SLC12A2: variants seen among roughly 807,000 people sequenced by gnomAD.
SLC12A2 encodes solute carrier family 12 member 2.
SLC12A2 carries 67 observed loss-of-function variants against 136.3 expected under a neutral mutation model. That is an observed-to-expected ratio of 0.49 (90% CI 0.40 to 0.60). The LOEUF (loss-of-function observed/expected upper bound fraction) is 0.60. SLC12A2 is among the 20% of genes least tolerant of loss of function. SLC12A2 has a pLI of 0.00. For missense variants in SLC12A2, 1,322 were observed against 1,534.7 expected (o/e 0.86, Z 2.32); for synonymous variants, 619 against 562.9 (o/e 1.10, Z -1.41).
In SLC12A2 at chr5:128,148,092, T is replaced by C. The variant is rs1762588189; in HGVS notation, c.1881+363T>C. 2.6e-5 allele frequency among the ~76,000 whole-genome samples: 4 copies of C among 151,824 alleles called. No individual in the cohort carries two copies. In the South Asian group the frequency reaches 8.3e-4, roughly 31 times the overall value. ...TATCTTTGTTCTAGTCAGTATGATA[T>C]CAACCTAAATATTTTATTTTACAAA... On this transcript the variant is annotated intron_variant, in intron 11 of 26. Coordinates refer to ENST00000262461, the MANE Select transcript of SLC12A2 (RefSeq NM_001046.3).
At chr5:128,142,292 G>A (rs985027181) in intron 10 of SLC12A2, among the ~76,000 whole-genome samples, 1 of 152,022 alleles carries the variant, frequency 6.6e-6, no homozygotes, top group Non-Finnish European at 1.5e-5. Context: ...TAGTAAGGAT[G>A]GGGTTTTACC....
Position 128,096,861 on chromosome 5 carries a change from G to T in SLC12A2, c.756+12151G>T, listed in dbSNP as rs969332281. Among the ~76,000 whole-genome samples the T allele has an allele frequency of 1.6e-4, 24 of 152,022 alleles. 1 individual carries two copies. The highest frequency in any genetic ancestry group is 2.9e-4 in the Non-Finnish European group (20 of 67,922). On this transcript the variant is annotated intron_variant, in intron 1 of 26. Coordinates refer to ENST00000262461, the MANE Select transcript of SLC12A2 (RefSeq NM_001046.3). ...ATAATAAACGGCTTTGTGGTATCTT[G>T]CAGGAACAGAAGATAAGAAAATCAT...
intron 15 of SLC12A2, among the ~76,000 whole-genome samples, chr5:128,157,822 A>T (rs1235343042): frequency 6.6e-6 from 1 of 152,128 alleles, no homozygotes; most frequent in African/African-American, 2.4e-5. Flanking sequence ...TTGATGTATA[A>T]TAGTACCTAT....
intron 4 of SLC12A2, 105 bp downstream of exon 4, chr5:128,114,786 A>AG (rs2126673051): frequency 1.4e-6 from 1 of 700,498 alleles, no homozygotes; most frequent in East Asian, 2.8e-5. Flanking sequence ...CAACATATTA[A>AG]GTCTATATAG....
At chr5:128,111,938 C>T (rs1761163062) in intron 1 of SLC12A2, among the ~76,000 whole-genome samples, 2 of 151,910 alleles carry the variant, frequency 1.3e-5, no homozygotes, top group Admixed American at 1.3e-4. Flanking sequence ...GAAATATAGC[C>T]ACATTATGTT....
At chr5:128,154,791 C>G (rs562565874) in intron 15 of SLC12A2, among the ~76,000 whole-genome samples, 1 of 152,138 alleles carries the variant, frequency 6.6e-6, no homozygotes, top group Admixed American at 6.5e-5. Context: ...TTGCACATTA[C>G]GGCTGTAACT....
In SLC12A2 at chr5:128,131,564, C is replaced by T. The variant is rs546114302; in HGVS notation, c.1188+358C>T. Among the ~76,000 whole-genome samples, 6 of 149,976 alleles carry T rather than the reference C, an allele frequency of 4.0e-5. No homozygotes were observed. The South Asian group carries it at 1.1e-3, about 26-fold the overall frequency. The stretch of plus-strand genomic sequence containing the variant: ...AAAAAAAAAAAAAAAATCAGCTGGG[C>T]GTGGTGGCAGGCACCTGTAGTCCCA... On this transcript the variant is annotated intron_variant, in intron 5 of 26. Coordinates refer to ENST00000262461, the MANE Select transcript of SLC12A2 (RefSeq NM_001046.3).
intron 22 of SLC12A2, among the ~76,000 whole-genome samples, chr5:128,180,222 G>T (rs1284126908): frequency 6.6e-6 from 1 of 151,622 alleles, no homozygotes; most frequent in Middle Eastern, 3.2e-3. Context: ...CACCCACCTC[G>T]GCCTCCCAAA....
intron 22 of SLC12A2, among the ~76,000 whole-genome samples, chr5:128,180,256 C>T (rs1199516887): frequency 6.6e-6 from 1 of 152,004 alleles, no homozygotes; most frequent in African/African-American, 2.4e-5. Context: ...AGGTGTGAGC[C>T]ACCACGCCCA....
chr5:128,123,531 C>T (rs1239616313), intron 4 of SLC12A2, among the ~76,000 whole-genome samples: 1 of 151,984 alleles, frequency 6.6e-6, no homozygotes, highest in Non-Finnish European at 1.5e-5. Flanking sequence ...CTAGTATGTG[C>T]GTAGTGGTAT....
At chr5:128,158,805 T>C (rs1372910111) in intron 16 of SLC12A2, among the ~76,000 whole-genome samples, 1 of 152,092 alleles carries the variant, frequency 6.6e-6, no homozygotes, top group Non-Finnish European at 1.5e-5. Context: ...TGAAGTAATT[T>C]ACATTCCCAC....
In SLC12A2 at chr5:128,150,089, A is replaced by C. The variant is rs1762651010; in HGVS notation, c.2098A>C (p.Lys700Gln). The C allele has an allele frequency of 6.3e-7, 1 of 1,585,924 alleles. No individual in the cohort carries two copies. Among genetic ancestry groups the C allele is most frequent in the African/African-American group, 1.3e-5 (1 of 74,332 alleles). The change falls in exon 13 of 27, where the codon AAA becomes CAA. Residue 700 changes from lysine to glutamine, a missense_variant. Around this residue, in one of 8 missense-constraint regions of SLC12A2, gnomAD observed 294 missense variants for 436.6 expected, o/e 0.67. Transcript: ENST00000262461. ...TTCAGTATTCCATGCATCACTTGCA[A>C]AATCTCCAGGTAATTTTACATTTTT... ...NFSVFHASLA[K>Q]SPGWRPAFKY...
At position 128,187,100 on chromosome 5, in the gene SLC12A2, T is replaced by G. The variant is rs1195967833; in HGVS notation, c.*469T>G. 3 of 156,984 alleles carry G rather than the reference T, an allele frequency of 1.9e-5. No homozygotes were observed. Among genetic ancestry groups the G allele is most frequent in the African/African-American group, 7.2e-5 (3 of 41,486 alleles). 9.7% of individuals were successfully genotyped at this position (156,984 alleles called of 1,614,324 possible). ...ATGAACACTGCTTGTCTTCTTCCAT[T>G]GACCATTTAGTGTTGAGTACTGTAT... On this transcript the variant is annotated 3_prime_UTR_variant, in exon 27 of 27. Transcript: ENST00000262461.
intron 18 of SLC12A2, chr5:128,168,698 G>T (rs1763278971): frequency 6.6e-6 from 1 of 152,184 alleles, no homozygotes; most frequent in South Asian, 2.1e-4. Context: ...TTCTCATAAG[G>T]AGCGCACAAC....
At chr5:128,110,344 A>G in intron 1 of SLC12A2, 3 of 941,910 alleles carry the variant, frequency 3.2e-6, no homozygotes, top group African/African-American at 3.2e-5. Context: ...GTAAGTCTGG[A>G]TATGATGTCT....
At position 128,148,798 on chromosome 5, in the gene SLC12A2, T is replaced by C. The variant is rs759556279; in HGVS notation, c.1926T>C (p.Ala642=). Residue 642 remains alanine, a synonymous_variant, in exon 12 of 27, where the codon GCT becomes GCC. Transcript: ENST00000262461. ...TCTACCCAGCTTTCCAGATGTTTGC[T>C]AAAGGTTATGGGAAAAATAATGAAC... The part of the protein sequence containing the change: ...DNIYPAFQMF[A]KGYGKNNEPL... 1 of 1,608,002 alleles carries C rather than the reference T, an allele frequency of 6.2e-7. No homozygotes were observed. Among genetic ancestry groups the C allele is most frequent in the Non-Finnish European group, 8.5e-7 (1 of 1,176,898 alleles).
At chr5:128,114,184 G>A (rs565361224) in intron 2 of SLC12A2, 28 bp from the exon 3 acceptor site, 3 of 1,511,072 alleles carry the variant, frequency 2.0e-6, no homozygotes, top group African/African-American at 2.8e-5. Context: ...TTCTTCCTCT[G>A]TGTCTTGGCC....
rs747387995 is a variant in SLC12A2 at position 128,134,174 on chromosome 5, A to G, written c.1198A>G (p.Ile400Val). 3.2e-6 allele frequency: 5 copies of G among 1,551,636 alleles called. No individual in the cohort carries two copies. The highest frequency in any genetic ancestry group is 2.2e-5 in the South Asian group (2 of 89,270). The part of the protein sequence containing the change: ...TVVELLKEHS[I>V]LMIDEINDIR... The stretch of plus-strand genomic sequence containing the variant: ...TGATTCCTTTTTCTAGGAACATTCC[A>G]TACTTATGATAGATGAAATCAATGA... Residue 400 changes from isoleucine to valine, a missense_variant, in exon 6 of 27, where the codon ATA (isoleucine) becomes GTA (valine). Coordinates refer to ENST00000262461, the MANE Select transcript of SLC12A2 (RefSeq NM_001046.3).
At chr5:128,104,939 C>T (rs1760880097) in intron 1 of SLC12A2, among the ~76,000 whole-genome samples, 1 of 151,856 alleles carries the variant, frequency 6.6e-6, no homozygotes, top group Admixed American at 6.6e-5. Flanking sequence ...GATTTGGGAA[C>T]AAAGGAATGA....
Sources: allele counts gnomAD v4.1 joint callset (sites outside exome capture counted in the v4.1 genomes callset), GRCh38; gene constraint gnomAD v4.1.1; regional missense constraint gnomAD v4.1.1; transcripts MANE v1.5; gene names NCBI Gene and HGNC (gene_info 2026-07-23, HGNC 2026-07-21).